ACBD6: variants seen among roughly 807,000 people sequenced by gnomAD.
ACBD6 encodes the protein acyl-CoA-binding domain-containing protein 6.
ACBD6 carries 28 observed loss-of-function variants against 37.2 expected under a neutral mutation model. That is an observed-to-expected ratio of 0.75 (90% CI 0.56 to 1.03). The LOEUF is 1.03. Among genes scored for constraint, ACBD6 ranks in the 50% least tolerant of loss-of-function variants. The pLI, the probability that ACBD6 is intolerant of heterozygous loss-of-function variation, is 0.00. For missense variants in ACBD6, 340 were observed against 337.4 expected (o/e 1.01, Z -0.06); for synonymous variants, 113 against 126.8 (o/e 0.89, Z 0.73).
intron 6 of ACBD6, among the ~76,000 whole-genome samples, chr1:180,396,833 T>C (rs889471614): frequency 6.6e-6 from 1 of 152,214 alleles, no homozygotes; most frequent in Non-Finnish European, 1.5e-5. Flanking sequence ...GGAAGCATCA[T>C]ACACAGCTGC....
intron 3 of ACBD6, among the ~76,000 whole-genome samples, chr1:180,444,257 C>T (rs529528711): frequency 5.4e-5 from 8 of 149,156 alleles, no homozygotes; most frequent in African/African-American, 1.7e-4. Context: ...GCACTCCAGT[C>T]TGGGCGACAG....
At chr1:180,367,538 CT>C (rs1186756741) in intron 6 of ACBD6, among the ~76,000 whole-genome samples, 1 of 152,074 alleles carries the variant, frequency 6.6e-6, no homozygotes, top group Non-Finnish European at 1.5e-5. Flanking sequence ...TCCTCCCACC[CT>C]TCACCCTCCA....
chr1:180,392,866 C>T (rs1022714356), intron 6 of ACBD6, among the ~76,000 whole-genome samples: 1 of 151,090 alleles, frequency 6.6e-6, no homozygotes, highest in Non-Finnish European at 1.5e-5. Flanking sequence ...ATTTATATGT[C>T]ATAAAGCCTT....
chr1:180,480,533 T>C (rs1346763708), intron 3 of ACBD6, among the ~76,000 whole-genome samples: 1 of 152,044 alleles, frequency 6.6e-6, no homozygotes, highest in Non-Finnish European at 1.5e-5. Context: ...GGTAAGGGGG[T>C]AGACAGTTGA....
intron 3 of ACBD6, among the ~76,000 whole-genome samples, chr1:180,433,547 G>T (rs1648891639): frequency 6.6e-6 from 1 of 151,898 alleles, no homozygotes; most frequent in African/African-American, 2.4e-5. Context: ...GATCAGACAA[G>T]AAATAAAAGG....
intron 3 of ACBD6, among the ~76,000 whole-genome samples, chr1:180,479,967 T>TG (rs1348408485): frequency 1.3e-5 from 2 of 151,770 alleles, no homozygotes; most frequent in Non-Finnish European, 2.9e-5. Context: ...CCAGCCTGGG[T>TG]GATAGAGCCA....
rs1283582984 is a variant in ACBD6, at chr1:180,303,103, G to A, written c.694+11589C>T. 6.0e-5 allele frequency among the ~76,000 whole-genome samples: 9 copies of A among 151,206 alleles called. No homozygotes were observed. In the East Asian group the frequency reaches 1.2e-3, roughly 20 times the overall value. The stretch of plus-strand genomic sequence containing the variant: ...CCAGAATCTCTGGGACACATTCAAA[G>A]CAGTGTGTAGAGGGAAATTTATAGC... On this transcript the variant is annotated intron_variant, in intron 7 of 7. Transcript: ENST00000367595.
chr1:180,381,510 C>T (rs1210932165), intron 6 of ACBD6, among the ~76,000 whole-genome samples: 1 of 152,092 alleles, frequency 6.6e-6, no homozygotes, highest in East Asian at 1.9e-4. Context: ...GAAATCATAT[C>T]AAGTATCTTC....
intron 3 of ACBD6, among the ~76,000 whole-genome samples, chr1:180,476,222 A>G (rs1650779162): frequency 6.6e-6 from 1 of 152,214 alleles, no homozygotes; most frequent in Non-Finnish European, 1.5e-5. Flanking sequence ...ATGTGAAGCC[A>G]AAAAGCATTC....
At chr1:180,316,080 T>C (rs1170490271) in intron 6 of ACBD6, among the ~76,000 whole-genome samples, 1 of 152,120 alleles carries the variant, frequency 6.6e-6, no homozygotes, top group Non-Finnish European at 1.5e-5. Context: ...TGCTCCCCTT[T>C]GACCTGCCCT....
rs147480605 is a variant in ACBD6 at position 180,316,336 on chromosome 1, G to GCACACACA, written c.664-1622_664-1615dup. Among the ~76,000 whole-genome samples the GCACACACA allele has an allele frequency of 1.4e-3, 216 of 149,390 alleles. 2 individuals carry two copies. The highest frequency in any genetic ancestry group is 6.6e-3 in the Admixed American group (99 of 14,992). On this transcript the variant is annotated intron_variant, in intron 6 of 7. Coordinates refer to ENST00000367595, the MANE Select transcript of ACBD6 (RefSeq NM_032360.4). The stretch of plus-strand genomic sequence containing the variant: ...AGTGTGTGTGTGTGTGCGTGAGTGC[G>GCACACACA]CACACACACACACACACATACATGC...
chr1:180,371,178 G>A (rs1453722499), intron 6 of ACBD6, among the ~76,000 whole-genome samples: 5 of 151,844 alleles, frequency 3.3e-5, no homozygotes, highest in African/African-American at 1.2e-4. Flanking sequence ...TTTCACAGAT[G>A]ATTATAAGGA....
At chr1:180,331,860 T>C (rs1651496687) in intron 6 of ACBD6, among the ~76,000 whole-genome samples, 1 of 152,220 alleles carries the variant, frequency 6.6e-6, no homozygotes, top group South Asian at 2.1e-4. Context: ...TTGGGCTCCA[T>C]CCTTGAATTC....
chr1:180,479,115 A>G (rs941475683), intron 3 of ACBD6, among the ~76,000 whole-genome samples: 5 of 152,234 alleles, frequency 3.3e-5, no homozygotes, highest in Admixed American at 2.0e-4. Context: ...CCTGGGCAAC[A>G]CAGCAAGACC....
At chr1:180,287,638 T>C (rs1026622093), downstream of ACBD6, among the ~76,000 whole-genome samples, 2 of 144,680 alleles carry the variant, frequency 1.4e-5, no homozygotes, top group Admixed American at 7.2e-5. Flanking sequence ...ATGGTCATTA[T>C]AGACAATTAA....
intron 6 of ACBD6, among the ~76,000 whole-genome samples, chr1:180,343,165 A>G (rs535497286): frequency 1.3e-5 from 2 of 152,176 alleles, no homozygotes; most frequent in Non-Finnish European, 2.9e-5. Flanking sequence ...ATTACATAAT[A>G]GAGTTAAAAT....
chr1:180,482,926 A>G (rs1651109344), intron 3 of ACBD6, among the ~76,000 whole-genome samples: 1 of 152,130 alleles, frequency 6.6e-6, no homozygotes, highest in Non-Finnish European at 1.5e-5. Context: ...CACTGTTTGA[A>G]TTTTTGTTTC....
In ACBD6 at chr1:180,380,408, G is replaced by C. The variant is rs148790334; in HGVS notation, c.663+17108C>G. 2.0e-5 allele frequency among the ~76,000 whole-genome samples: 3 copies of C among 152,064 alleles called. No homozygotes were observed. The East Asian group carries it at 5.8e-4, about 29-fold the overall frequency. Reference sequence around the variant, plus strand: ...AGTAGAAACCTTACAGGCCAGGAGAGAATTGGATGATATATTCAAAGTCCT... The same window carrying C: ...AGTAGAAACCTTACAGGCCAGGAGACAATTGGATGATATATTCAAAGTCCT... On this transcript the variant is annotated intron_variant, in intron 6 of 7. Transcript: ENST00000367595.
intron 3 of ACBD6, among the ~76,000 whole-genome samples, chr1:180,469,975 C>T (rs1650497271): frequency 6.6e-6 from 1 of 152,006 alleles, no homozygotes; most frequent in Admixed American, 6.6e-5. Flanking sequence ...TACTAATCTC[C>T]AAAAGCAAAT....
Sources: gnomAD v4.1 joint callset for allele counts (sites outside exome capture counted in the v4.1 genomes callset) on GRCh38, gnomAD v4.1.1 for gene constraint, MANE v1.5 for transcripts, NCBI Gene and HGNC (gene_info 2026-07-23, HGNC 2026-07-21) for gene names.